The following USP32 variants were observed in gnomAD, a reference collection of about 807,000 sequenced individuals.
USP32 encodes the protein ubiquitin specific peptidase 32.
In USP32, 59 loss-of-function variants were observed where a neutral mutation model predicts 204.8. That is an observed-to-expected ratio of 0.29 (90% CI 0.23 to 0.36). USP32 has a LOEUF of 0.36. Ranked by LOEUF, USP32 falls within the 10% of genes least tolerant of loss-of-function variation. The pLI is 1.00. For synonymous variants in USP32, 517 were observed against 678.4 expected (o/e 0.76, Z 3.70); for missense variants, 1,160 against 1,946.4 (o/e 0.60, Z 7.60).
At chr17:60,264,463 C>G (rs1186974785) in intron 9 of USP32, among the ~76,000 whole-genome samples, 1 of 150,984 alleles carries the variant, frequency 6.6e-6, no homozygotes, top group Non-Finnish European at 1.5e-5. Flanking sequence ...TGCAGTGAGC[C>G]AAGATCCCAC....
intron 12 of USP32, among the ~76,000 whole-genome samples, 179 bp downstream of exon 12, chr17:60,235,959 T>C (rs1174811942): frequency 1.3e-5 from 2 of 152,220 alleles, no homozygotes; most frequent in Non-Finnish European, 2.9e-5. Context: ...GGAAGTGTAA[T>C]CACAAAGCCT....
intron 1 of USP32, among the ~76,000 whole-genome samples, chr17:60,401,613 C>T (rs985033848): frequency 1.3e-5 from 2 of 151,178 alleles, no homozygotes; most frequent in Admixed American, 1.3e-4. Context: ...TGCAGTGGCT[C>T]ACACCTGTAG....
chr17:60,285,801 G>A lies in USP32; in HGVS notation c.571+2722C>T, dbSNP rs138519242. On this transcript the variant is annotated intron_variant, in intron 5 of 33. Transcript: ENST00000300896. ...ATGGATGATTATTAGGATTTAACAC[G>A]TAGAAGAAAAAGAGAAGGCATTTTA... 3.5e-3 allele frequency among the ~76,000 whole-genome samples: 538 copies of A among 152,124 alleles called. 5 individuals carry two copies. The highest frequency in any genetic ancestry group is 0.022 in the South Asian group (104 of 4,818).
At chr17:60,245,354 C>G (rs1157400915) in intron 11 of USP32, 1 of 388,188 alleles carries the variant, frequency 2.6e-6, no homozygotes, top group Non-Finnish European at 5.0e-6. Context: ...GCTGCTCTTT[C>G]CACAATGTCT....
intron 2 of USP32, among the ~76,000 whole-genome samples, chr17:60,344,541 C>G (rs916903144): frequency 1.3e-5 from 2 of 152,168 alleles, no homozygotes; most frequent in Non-Finnish European, 2.9e-5. Context: ...CCTCAAACTC[C>G]TGGACTCAAG....
At chr17:60,402,174 G>A (rs2089940549) in intron 1 of USP32, among the ~76,000 whole-genome samples, 1 of 150,900 alleles carries the variant, frequency 6.6e-6, no homozygotes, top group South Asian at 2.1e-4. Flanking sequence ...TCTAGTGGTT[G>A]TCCCTTCAAA....
intron 1 of USP32, among the ~76,000 whole-genome samples, chr17:60,415,268 T>A (rs1220688691): frequency 6.6e-6 from 1 of 152,174 alleles, no homozygotes; most frequent in African/African-American, 2.4e-5. Context: ...TGGTCAAATA[T>A]CTTACTGGCC....
intron 12 of USP32, among the ~76,000 whole-genome samples, chr17:60,227,502 T>C (rs1027349966): frequency 1.3e-5 from 2 of 152,026 alleles, no homozygotes; most frequent in East Asian, 3.9e-4. Context: ...ATTCCTGACC[T>C]CAGGTTATCT....
At chr17:60,421,794 G>A (rs890753073) in intron 1 of USP32, 1 of 952,774 alleles carries the variant, frequency 1.0e-6, no homozygotes, top group Non-Finnish European at 1.2e-6. Context: ...TCGCGGGTAG[G>A]AAGAGTCGGG....
chr17:60,335,478 AAAGGT>A lies in USP32; in HGVS notation c.186+9998_186+10002del, dbSNP rs1312410491. 1.4e-5 allele frequency among the ~76,000 whole-genome samples: 2 copies of A among 143,166 alleles called. 1 individual carries two copies. Among genetic ancestry groups the A allele is most frequent in the Non-Finnish European group, 3.0e-5 (2 of 67,794 alleles). 93.9% of individuals were successfully genotyped at this position (143,166 alleles called of 152,430 possible). On this transcript the variant is annotated intron_variant, in intron 2 of 33. Coordinates refer to ENST00000300896, the MANE Select transcript of USP32 (RefSeq NM_032582.4). ...ATTTTCAATTCTTTCCACTAACTCT[AAAGGT>A]GATTCATTGTGGTCTGGTGACCTAT... is the stretch of plus-strand genomic sequence containing the variant.
chr17:60,306,602 C>T (rs908643254), intron 2 of USP32, among the ~76,000 whole-genome samples: 6 of 151,748 alleles, frequency 4.0e-5, no homozygotes, highest in Non-Finnish European at 8.8e-5. Flanking sequence ...TGCACCACTG[C>T]ACTCCAGCCT....
intron 11 of USP32, among the ~76,000 whole-genome samples, chr17:60,251,205 AGT>A (rs949918702): frequency 1.3e-5 from 2 of 152,068 alleles, no homozygotes; most frequent in African/African-American, 4.8e-5. Flanking sequence ...GGCTTCCCAA[AGT>A]GCTGGGATTA....
intron 5 of USP32, among the ~76,000 whole-genome samples, chr17:60,282,920 T>C (rs913465980): frequency 2.6e-5 from 4 of 152,148 alleles, no homozygotes; most frequent in African/African-American, 9.7e-5. Context: ...CTCAAAGGAA[T>C]AGGACCTGAG....
At chr17:60,185,433 T>C in intron 30 of USP32, 27 bp downstream of exon 30, 1 of 1,532,492 alleles carries the variant, frequency 6.5e-7, no homozygotes, top group Non-Finnish European at 8.8e-7. Context: ...AGATTCCTGC[T>C]CTCTCAGAGG....
At chr17:60,265,600 G>A (rs1567813726) in intron 8 of USP32, 126 bp from the exon 9 acceptor site, 5 of 656,358 alleles carry the variant, frequency 7.6e-6, no homozygotes, top group Non-Finnish European at 7.7e-6. Flanking sequence ...GTCTCCTTAC[G>A]TTGCCCAGGA....
chr17:60,192,001 T>TTAA (rs2084395190), intron 28 of USP32, among the ~76,000 whole-genome samples: 1 of 139,082 alleles, frequency 7.2e-6, no homozygotes, highest in African/African-American at 3.3e-5. Flanking sequence ...GGCAAACTTA[T>TTAA]ATTTAACGAG....
At chr17:60,321,398 A>C (rs1177314243) in intron 2 of USP32, among the ~76,000 whole-genome samples, 2 of 152,218 alleles carry the variant, frequency 1.3e-5, no homozygotes, top group African/African-American at 4.8e-5. Context: ...AGGATCTGAT[A>C]AAACAAATAT....
rs2085379168 is a variant in USP32 at position 60,226,052 on chromosome 17, T to A, written c.1419A>T (p.Glu473Asp). 2 of 1,603,942 alleles carry A rather than the reference T, an allele frequency of 1.2e-6. No homozygotes were observed. Among genetic ancestry groups the A allele is most frequent in the East Asian group, 4.5e-5 (2 of 44,134 alleles). Reference protein sequence around the residue: ...DNISTASEASETAGSGFLYSA... With the variant: ...DNISTASEASDTAGSGFLYSA... ...GGTCATATTTACCGCTGCCAGCAGTTTCTGAGGCTTCAGATGCAGTAGAAA... is the reference window on the plus strand; with the variant it reads ...GGTCATATTTACCGCTGCCAGCAGTATCTGAGGCTTCAGATGCAGTAGAAA... The change falls in exon 13 of 34, where the codon GAA becomes GAT. Residue 473 changes from glutamate to aspartate, a missense_variant. Glu to Asp is a conservative substitution (Grantham distance 45). Around this residue, in one of 8 missense-constraint regions of USP32, gnomAD observed 536 missense variants for 680.9 expected, o/e 0.79. Coordinates refer to ENST00000300896, the MANE Select transcript of USP32 (RefSeq NM_032582.4).
chr17:60,374,978 T>A (rs970299716), intron 1 of USP32, among the ~76,000 whole-genome samples: 15 of 152,240 alleles, frequency 9.9e-5, no homozygotes, highest in Non-Finnish European at 1.0e-4. Context: ...AAAACAATAC[T>A]AAACACTAAT....
Sources: allele counts gnomAD v4.1 joint callset (sites outside exome capture counted in the v4.1 genomes callset), GRCh38; gene constraint gnomAD v4.1.1; regional missense constraint gnomAD v4.1.1; transcripts MANE v1.5; gene names NCBI Gene and HGNC (gene_info 2026-07-23, HGNC 2026-07-21).